Variants in MARCHF3 observed in about 807,000 individuals in gnomAD.
MARCHF3 encodes membrane associated ring-CH-type finger 3.
Under a neutral mutation model 24.2 loss-of-function variants are expected in MARCHF3, and 13 were observed. The observed-to-expected ratio is 0.54, with a 90% CI of 0.35 to 0.85. The LOEUF (loss-of-function observed/expected upper bound fraction) is 0.85. MARCHF3 is among the 40% of genes least tolerant of loss of function. MARCHF3 has a pLI of 0.01. For synonymous variants in MARCHF3, 144 were observed against 137.3 expected (o/e 1.05, Z -0.34); for missense variants, 276 against 325.0 (o/e 0.85, Z 1.16).
intron 3 of MARCHF3, among the ~76,000 whole-genome samples, chr5:126,885,019 C>T (rs1471795031): frequency 6.6e-6 from 1 of 152,180 alleles, no homozygotes; most frequent in Non-Finnish European, 1.5e-5. Context: ...AGCCTTTGCG[C>T]ATATTCTTTT....
intron 1 of MARCHF3, among the ~76,000 whole-genome samples, chr5:126,998,730 C>T (rs1752027561): frequency 1.3e-5 from 2 of 152,240 alleles, no homozygotes; most frequent in East Asian, 3.9e-4. Flanking sequence ...GAAAAGCCAT[C>T]TTTTAAACAG....
chr5:126,951,775 G>C (rs936777465), intron 1 of MARCHF3, among the ~76,000 whole-genome samples: 2 of 152,190 alleles, frequency 1.3e-5, no homozygotes, highest in African/African-American at 4.8e-5. Flanking sequence ...CTGTCTGTAA[G>C]GCACTGACCT....
At chr5:126,954,418 T>C (rs1561444916) in intron 1 of MARCHF3, among the ~76,000 whole-genome samples, 1 of 151,752 alleles carries the variant, frequency 6.6e-6, no homozygotes, top group Non-Finnish European at 1.5e-5. Context: ...TCTTTGAGAC[T>C]GGAGTGCAGC....
chr5:126,922,542 T>C (rs1418868760), intron 1 of MARCHF3, among the ~76,000 whole-genome samples: 1 of 150,062 alleles, frequency 6.7e-6, no homozygotes, highest in Non-Finnish European at 1.5e-5. Flanking sequence ...ATTTATTTAT[T>C]TATTTATTTA....
At chr5:126,874,430 T>C (rs1365500872) in intron 4 of MARCHF3, among the ~76,000 whole-genome samples, 2 of 151,966 alleles carry the variant, frequency 1.3e-5, no homozygotes, top group African/African-American at 4.8e-5. Context: ...CTACTAAAAA[T>C]ACAAAATTAG....
intron 1 of MARCHF3, among the ~76,000 whole-genome samples, chr5:126,956,257 A>C (rs911582748): frequency 2.0e-5 from 3 of 152,168 alleles, no homozygotes; most frequent in African/African-American, 7.2e-5. Context: ...GATATTTTTA[A>C]ACCAAGCCTC....
chr5:126,931,920 G>C (rs541106208), intron 1 of MARCHF3, among the ~76,000 whole-genome samples: 5 of 152,304 alleles, frequency 3.3e-5, no homozygotes, highest in African/African-American at 1.2e-4. Flanking sequence ...GTTGGAGTTA[G>C]ATACCTTGGG....
chr5:126,945,384 G>C (rs1373482302), intron 1 of MARCHF3, among the ~76,000 whole-genome samples: 2 of 152,240 alleles, frequency 1.3e-5, no homozygotes, highest in Non-Finnish European at 2.9e-5. Context: ...CGCATATAGG[G>C]AGGCACTTGC....
At chr5:127,017,886 A>G (rs1752680686) in intron 1 of MARCHF3, among the ~76,000 whole-genome samples, 1 of 152,222 alleles carries the variant, frequency 6.6e-6, no homozygotes. Context: ...GACAACCAGC[A>G]TCCTACTTTA....
chr5:126,999,440 C>T (rs747024807), intron 1 of MARCHF3, among the ~76,000 whole-genome samples: 1 of 152,180 alleles, frequency 6.6e-6, no homozygotes, highest in Admixed American at 6.5e-5. Context: ...ACCCAGCTCC[C>T]GTTCCTCCAA....
At chr5:126,962,216 A>G (rs913435606) in intron 1 of MARCHF3, among the ~76,000 whole-genome samples, 1 of 151,956 alleles carries the variant, frequency 6.6e-6, no homozygotes, top group African/African-American at 2.4e-5. Flanking sequence ...CACACCCTAT[A>G]TATCTATATC....
At chr5:126,910,196 G>A (rs1754468412) in intron 3 of MARCHF3, among the ~76,000 whole-genome samples, 1 of 152,174 alleles carries the variant, frequency 6.6e-6, no homozygotes, top group Admixed American at 6.5e-5. Flanking sequence ...TCACAACATT[G>A]TTGAGCTGAC....
chr5:127,022,709 T>C (rs1580500111), intron 1 of MARCHF3, among the ~76,000 whole-genome samples: 2 of 152,230 alleles, frequency 1.3e-5, no homozygotes, highest in South Asian at 4.1e-4. Context: ...CAGGTACTCC[T>C]GATTTGCAAG....
chr5:126,963,388 T>C (rs769289742), intron 1 of MARCHF3, among the ~76,000 whole-genome samples: 25 of 152,126 alleles, frequency 1.6e-4, no homozygotes, highest in Non-Finnish European at 3.1e-4. Context: ...TTAATGGTAA[T>C]ACCCATTTAA....
At chr5:127,005,972 C>A (rs1283668837) in intron 1 of MARCHF3, among the ~76,000 whole-genome samples, 3 of 151,952 alleles carry the variant, frequency 2.0e-5, no homozygotes, top group Admixed American at 1.3e-4. Context: ...GAGGCCGAGG[C>A]GGGCGGATCA....
At chr5:127,014,571 G>A (rs1482903314) in intron 1 of MARCHF3, among the ~76,000 whole-genome samples, 3 of 152,124 alleles carry the variant, frequency 2.0e-5, no homozygotes, top group Non-Finnish European at 4.4e-5. Flanking sequence ...TCCATCAATG[G>A]ATGAATGGAT....
At chr5:126,921,291 G>A (rs1181496321) in intron 1 of MARCHF3, among the ~76,000 whole-genome samples, 1 of 152,172 alleles carries the variant, frequency 6.6e-6, no homozygotes, top group Non-Finnish European at 1.5e-5. Context: ...GGATGGCTGA[G>A]TTGGTTCTAA....
chr5:126,870,647 C>T lies in MARCHF3; in HGVS notation c.748G>A (p.Glu250Lys). The change falls in exon 5 of 5, where the codon GAG (glutamate) becomes AAG (lysine). Residue 250 changes from glutamate (E) to lysine (K), a missense_variant. Physicochemically the swap from Glu to Lys is moderately conservative, Grantham distance 56 (BLOSUM62 1). Transcript: ENST00000308660. The stretch of plus-strand genomic sequence containing the variant: ...CCATACAAACATCAAACAACTGTCT[C>T]CTTTGAGTTCCTCTTGACCGAATGG... ...GLHSVKRNSK[E>K]TVV is the part of the protein sequence containing the mutation. 17 of 1,614,124 alleles carry T rather than the reference C, an allele frequency of 1.1e-5. No homozygotes were observed. The highest frequency in any genetic ancestry group is 1.4e-5 in the Non-Finnish European group (17 of 1,180,002).
chr5:126,920,519 A>G (rs1188830959), intron 1 of MARCHF3, among the ~76,000 whole-genome samples: 2 of 152,194 alleles, frequency 1.3e-5, no homozygotes, highest in African/African-American at 4.8e-5. Context: ...TGGAATCATT[A>G]TGTCTAGATG....
Sources: allele counts gnomAD v4.1 joint callset (sites outside exome capture counted in the v4.1 genomes callset), GRCh38; gene constraint gnomAD v4.1.1; transcripts MANE v1.5; gene names NCBI Gene and HGNC (gene_info 2026-07-23, HGNC 2026-07-21).